Variants in SSH1 observed in about 807,000 individuals in gnomAD.
The protein encoded by SSH1 is protein phosphatase Slingshot homolog 1.
SSH1 carries 43 observed loss-of-function variants against 79.7 expected under a neutral mutation model. That is an observed-to-expected ratio of 0.54 (90% CI 0.42 to 0.70). SSH1 has a LOEUF of 0.70. SSH1 is among the 30% of genes least tolerant of loss of function. The pLI, the probability that SSH1 is intolerant of heterozygous loss-of-function variation, is 0.00. For missense variants in SSH1, 1,206 were observed against 1,358.8 expected, an observed-to-expected ratio of 0.89 and a Z score of 1.77; for synonymous variants, 599 against 538.3, an observed-to-expected ratio of 1.11 and a Z score of -1.56.
intron 3 of SSH1, among the ~76,000 whole-genome samples, chr12:108,819,230 T>G (rs2038021565): frequency 6.6e-6 from 1 of 152,234 alleles, no homozygotes; most frequent in Non-Finnish European, 1.5e-5. Context: ...AATTATGTAC[T>G]CTTTTTTCTT....
Position 108,823,364 on chromosome 12 carries a change from G to C in SSH1, c.111-3C>G, listed in dbSNP as rs1177074650. ...CCATGAAAAAGCTCTCACTTAAGCT[G>C]GGAAGGATAAGACCAGAGCACAGTT... is the stretch of plus-strand genomic sequence containing the variant. On this transcript the variant is annotated splice_polypyrimidine_tract_variant and splice_region_variant and intron_variant, in intron 2 of 14. Transcript: ENST00000326495. 6.4e-7 allele frequency: 1 copy of C among 1,563,102 alleles called. No homozygotes were observed. The highest frequency in any genetic ancestry group is 2.3e-5 in the East Asian group (1 of 42,964).
At chr12:108,827,322 G>T (rs2038348987) in intron 2 of SSH1, 4 of 1,551,002 alleles carry the variant, frequency 2.6e-6, no homozygotes, top group Non-Finnish European at 3.5e-6. Context: ...GGAAGATGCA[G>T]AAGTCGGTAA....
At chr12:108,802,739 C>T (rs989055657) in intron 10 of SSH1, among the ~76,000 whole-genome samples, 5 of 152,154 alleles carry the variant, frequency 3.3e-5, no homozygotes, top group East Asian at 1.9e-4. Context: ...GGGAAGGGCA[C>T]GTTCACAAGC....
chr12:108,800,585 C>T (rs2036947833), intron 12 of SSH1, among the ~76,000 whole-genome samples, 195 bp downstream of exon 12: 1 of 152,168 alleles, frequency 6.6e-6, no homozygotes, highest in Non-Finnish European at 1.5e-5. Context: ...TCCTTTGGTG[C>T]TTGGAGTCCT....
At position 108,792,278 on chromosome 12, in the gene SSH1, C is replaced by G; in HGVS notation, c.1893+8G>C. 6.2e-7 allele frequency: 1 copy of G among 1,614,176 alleles called. No homozygotes were observed. Among genetic ancestry groups the G allele is most frequent in the Non-Finnish European group, 8.5e-7 (1 of 1,180,022 alleles). On this transcript the variant is annotated splice_region_variant and intron_variant, in intron 14 of 14. Coordinates refer to ENST00000326495, the MANE Select transcript of SSH1 (RefSeq NM_018984.4). ...GGTGTGCCACCCTGCAGGCCGGGCT[C>G]TGCCTACCTCCATGCCGTTGGGACA...
chr12:108,855,360 T>C (rs1470062185), intron 1 of SSH1, among the ~76,000 whole-genome samples: 3 of 152,084 alleles, frequency 2.0e-5, no homozygotes, highest in African/African-American at 7.2e-5. Context: ...AGGCTGCAGG[T>C]GAGGGCTAAC....
chr12:108,838,715 A>G (rs910966142), intron 2 of SSH1, among the ~76,000 whole-genome samples: 10 of 152,240 alleles, frequency 6.6e-5, no homozygotes, highest in African/African-American at 2.4e-4. Flanking sequence ...TTGCTTGTCC[A>G]TCCATTATGC....
At chr12:108,841,412 T>C (rs900084307) in intron 2 of SSH1, among the ~76,000 whole-genome samples, 1 of 152,262 alleles carries the variant, frequency 6.6e-6, no homozygotes, top group Admixed American at 6.5e-5. Flanking sequence ...AAATTCGTTT[T>C]ACGTTAACCT....
At chr12:108,828,246 A>G (rs527596783) in intron 2 of SSH1, among the ~76,000 whole-genome samples, 4 of 152,288 alleles carry the variant, frequency 2.6e-5, no homozygotes, top group South Asian at 4.1e-4. Flanking sequence ...TCGGCTCACA[A>G]GTGACCAAGC....
At chr12:108,792,091 C>T (rs1258530607) in intron 14 of SSH1, 195 bp downstream of exon 14, 7 of 1,465,222 alleles carry the variant, frequency 4.8e-6, no homozygotes, top group Non-Finnish European at 6.3e-6. Context: ...TACGTACCCA[C>T]CAGCAGAATC....
chr12:108,795,081 T>A (rs1347124376), intron 13 of SSH1, among the ~76,000 whole-genome samples: 1 of 152,142 alleles, frequency 6.6e-6, no homozygotes, highest in Non-Finnish European at 1.5e-5. Context: ...CCCTTAAAAT[T>A]TGAAGCCCTC....
chr12:108,818,761 ACTT>A (rs767093229), intron 3 of SSH1, among the ~76,000 whole-genome samples: 39 of 152,160 alleles, frequency 2.6e-4, no homozygotes, highest in African/African-American at 6.3e-4. Context: ...TCTTCAAACA[ACTT>A]CTTCTTCTAT....
chr12:108,829,102 T>C (rs145880132), intron 2 of SSH1, among the ~76,000 whole-genome samples: 3,105 of 151,906 alleles, frequency 0.02, 120 homozygotes, highest in African/African-American at 0.072. Context: ...CTGAGATGGG[T>C]GGATCATTTG....
intron 13 of SSH1, among the ~76,000 whole-genome samples, chr12:108,795,996 C>T (rs1431963941): frequency 6.6e-6 from 1 of 152,168 alleles, no homozygotes; most frequent in Non-Finnish European, 1.5e-5. Context: ...CGGTCTTGAA[C>T]TCCTGGTCTC....
At chr12:108,811,673 GCCTGT>G in intron 5 of SSH1, 1 of 394,956 alleles carries the variant, frequency 2.5e-6, no homozygotes, top group South Asian at 2.2e-5. Context: ...GCCCGGCCTG[GCCTGT>G]CCTGGGTGGC....
At chr12:108,830,034 G>A (rs1566009456) in intron 2 of SSH1, among the ~76,000 whole-genome samples, 1 of 152,186 alleles carries the variant, frequency 6.6e-6, no homozygotes, top group Non-Finnish European at 1.5e-5. Context: ...TGAGCCTGGT[G>A]AGGTCAAGGC....
intron 2 of SSH1, among the ~76,000 whole-genome samples, chr12:108,839,834 G>A (rs906891337): frequency 2.0e-5 from 3 of 152,188 alleles, no homozygotes; most frequent in Non-Finnish European, 2.9e-5. Flanking sequence ...ATTGGTCTTT[G>A]GAGGGGAACA....
Position 108,806,355 on chromosome 12 carries a change from G to C in SSH1, c.771C>G (p.Ala257=). ...EGERTERLIK[A]KLRSIMMSQD... The stretch of plus-strand genomic sequence containing the variant: ...GGCTCATCATGATGCTTCGGAGCTT[G>C]GCTTTGATGAGGCGCTCGGTCCTTT... Residue 257 remains alanine, a synonymous_variant, in exon 9 of 15, where the codon GCC becomes GCG. Coordinates refer to ENST00000326495, the MANE Select transcript of SSH1 (RefSeq NM_018984.4). 3.1e-6 allele frequency: 5 copies of C among 1,614,192 alleles called. No homozygotes were observed. The highest frequency in any genetic ancestry group is 4.2e-6 in the Non-Finnish European group (5 of 1,180,034).
chr12:108,809,466 A>C (rs1481825188), intron 7 of SSH1, among the ~76,000 whole-genome samples: 1 of 151,786 alleles, frequency 6.6e-6, no homozygotes. Context: ...CAAAAAAAAA[A>C]AAAAACGAGA....
Sources: gnomAD v4.1 joint callset for allele counts (sites outside exome capture counted in the v4.1 genomes callset) on GRCh38, gnomAD v4.1.1 for gene constraint, MANE v1.5 for transcripts, NCBI Gene and HGNC (gene_info 2026-07-23, HGNC 2026-07-21) for gene names.